CDH18: variants seen among roughly 807,000 people sequenced by gnomAD.
CDH18 encodes cadherin 18, also known as cadherin-18.
CDH18 carries 31 observed loss-of-function variants against 67.9 expected under a neutral mutation model. The ratio of observed to expected loss-of-function variants is 0.46; its 90% CI spans 0.34 to 0.62. The LOEUF is 0.62. Among genes scored for constraint, CDH18 ranks in the 20% least tolerant of loss-of-function variants. The pLI, the probability that CDH18 is intolerant of heterozygous loss-of-function variation, is 0.01. For synonymous variants in CDH18, 362 were observed against 347.2 expected (o/e 1.04, Z -0.48); for missense variants, 890 against 975.5 (o/e 0.91, Z 1.17).
chr5:20,359,877 G>T (rs780355565), intron 1 of CDH18, among the ~76,000 whole-genome samples: 1 of 151,786 alleles, frequency 6.6e-6, no homozygotes, highest in Non-Finnish European at 1.5e-5. Context: ...TATAAAGTTA[G>T]AAAGTTATTA....
chr5:19,646,538 C>T (rs1052256197), intron 5 of CDH18, among the ~76,000 whole-genome samples: 3 of 152,000 alleles, frequency 2.0e-5, no homozygotes, highest in Non-Finnish European at 2.9e-5. Flanking sequence ...TGGGGTTTCA[C>T]CATATTGGCT....
At chr5:19,843,582 A>G (rs1782589476) in intron 2 of CDH18, among the ~76,000 whole-genome samples, 2 of 152,236 alleles carry the variant, frequency 1.3e-5, no homozygotes, top group South Asian at 4.1e-4. Flanking sequence ...CCCGACATAG[A>G]GTTCCCACTG....
intron 1 of CDH18, among the ~76,000 whole-genome samples, chr5:20,388,029 T>C (rs1000885564): frequency 6.7e-6 from 1 of 149,100 alleles, no homozygotes; most frequent in African/African-American, 2.5e-5. Flanking sequence ...TAAAATTCTC[T>C]TTTTTTGTTG....
intron 5 of CDH18, among the ~76,000 whole-genome samples, chr5:19,662,711 C>T (rs1177386083): frequency 6.6e-6 from 1 of 151,900 alleles, no homozygotes; most frequent in African/African-American, 2.4e-5. Context: ...TAATTATGAG[C>T]TTTTCTTTTA....
chr5:20,407,710 GA>G (rs1003916051), intron 1 of CDH18, among the ~76,000 whole-genome samples: 11 of 121,088 alleles, frequency 9.1e-5, no homozygotes, highest in South Asian at 5.4e-4. Flanking sequence ...AGTCAGAAAA[GA>G]AAAAAAAATA....
In CDH18 at chr5:19,737,207, C is replaced by T. The variant is rs1338135198; in HGVS notation, c.523+9735G>A. 2.6e-5 allele frequency among the ~76,000 whole-genome samples: 4 copies of T among 152,038 alleles called. No homozygotes were observed. In the East Asian group the frequency reaches 5.8e-4, roughly 22 times the overall value. ...TATACCTGACCATTGTGCATTCACTCTCTATCTGATCATGGTGAATTTTCT... is the reference window on the plus strand; with the variant it reads ...TATACCTGACCATTGTGCATTCACTTTCTATCTGATCATGGTGAATTTTCT... On this transcript the variant is annotated intron_variant, in intron 4 of 12. Coordinates refer to ENST00000382275, the MANE Select transcript of CDH18 (RefSeq NM_004934.5).
At chr5:20,413,320 T>C (rs961421252) in intron 1 of CDH18, among the ~76,000 whole-genome samples, 1 of 152,222 alleles carries the variant, frequency 6.6e-6, no homozygotes, top group Non-Finnish European at 1.5e-5. Context: ...CATTTGGGTA[T>C]ATACCCAGTA....
At chr5:20,385,926 G>A (rs1245096819) in intron 1 of CDH18, among the ~76,000 whole-genome samples, 2 of 152,098 alleles carry the variant, frequency 1.3e-5, no homozygotes, top group African/African-American at 4.8e-5. Flanking sequence ...TTAAAATACA[G>A]AAACTATTAC....
At position 19,481,807 on chromosome 5, in the gene CDH18, A is replaced by G. The variant is rs116661146; in HGVS notation, c.1882+1494T>C. 5.7e-3 allele frequency among the ~76,000 whole-genome samples: 875 copies of G among 152,324 alleles called. 9 individuals carry two copies. Among genetic ancestry groups the G allele is most frequent in the African/African-American group, 0.02 (836 of 41,572 alleles). ...TACCTCTTTCTCAGAAAAACAGTCAATTATCTTTTCATGTATGTCAGTACC... is the reference window on the plus strand; with the variant it reads ...TACCTCTTTCTCAGAAAAACAGTCAGTTATCTTTTCATGTATGTCAGTACC... On this transcript the variant is annotated intron_variant, in intron 12 of 12. Coordinates refer to ENST00000382275, the MANE Select transcript of CDH18 (RefSeq NM_004934.5).
At chr5:19,622,488 A>C (rs1232482618) in intron 5 of CDH18, among the ~76,000 whole-genome samples, 1 of 152,154 alleles carries the variant, frequency 6.6e-6, no homozygotes, top group Admixed American at 6.5e-5. Flanking sequence ...CCCATCAGTC[A>C]TCTGGGTCTA....
chr5:20,142,863 A>G (rs1472480021), intron 2 of CDH18, among the ~76,000 whole-genome samples: 5 of 152,212 alleles, frequency 3.3e-5, no homozygotes, highest in African/African-American at 1.2e-4. Context: ...CTGTGAAGCT[A>G]TCAGTGTCTG....
At chr5:20,478,876 C>T (rs997221455) in intron 1 of CDH18, among the ~76,000 whole-genome samples, 12 of 152,184 alleles carry the variant, frequency 7.9e-5, no homozygotes, top group African/African-American at 2.9e-4. Flanking sequence ...CTGGTGTCAC[C>T]ACACCCTCAG....
At chr5:19,985,489 T>C (rs1267269747) in intron 1 of CDH18, among the ~76,000 whole-genome samples, 1 of 151,910 alleles carries the variant, frequency 6.6e-6, no homozygotes, top group Non-Finnish European at 1.5e-5. Flanking sequence ...TCTAACAATG[T>C]ATAGAGAGAT....
At chr5:20,110,513 T>G (rs1561798307) in intron 2 of CDH18, among the ~76,000 whole-genome samples, 1 of 152,164 alleles carries the variant, frequency 6.6e-6, no homozygotes, top group Admixed American at 6.5e-5. Context: ...TGAAACCCTA[T>G]CACTACTAAA....
intron 2 of CDH18, among the ~76,000 whole-genome samples, chr5:20,085,724 C>T (rs576279419): frequency 3.3e-5 from 5 of 152,250 alleles, no homozygotes; most frequent in African/African-American, 1.2e-4. Context: ...GAGAACTCCT[C>T]TTTTTAAAAC....
chr5:19,878,268 T>C (rs1787257343), intron 2 of CDH18, among the ~76,000 whole-genome samples: 1 of 152,156 alleles, frequency 6.6e-6, no homozygotes, highest in Non-Finnish European at 1.5e-5. Context: ...TTGCTAACTT[T>C]ATAAAACTTA....
In CDH18 at chr5:20,198,928, C is replaced by A. The variant is rs370187297; in HGVS notation, c.-518+56516G>T. Among the ~76,000 whole-genome samples the A allele has an allele frequency of 1.7e-3, 255 of 152,302 alleles. 7 individuals carry two copies. The South Asian group carries it at 0.05, about 30-fold the overall frequency. On this transcript the variant is annotated intron_variant, in intron 2 of 14. Transcript: ENST00000507958. ...TTGACAGCTTCCACATGGTGTTGGT[C>A]CTGAGAGTGCACAGAAGACAATAAT...
intron 2 of CDH18, among the ~76,000 whole-genome samples, chr5:20,173,676 G>A (rs1031309652): frequency 9.9e-5 from 15 of 152,126 alleles, no homozygotes; most frequent in African/African-American, 3.4e-4. Context: ...CTTGAACAAA[G>A]ATGTTGAGTT....
chr5:20,292,140 A>G (rs1277387745), intron 1 of CDH18, among the ~76,000 whole-genome samples: 2 of 152,206 alleles, frequency 1.3e-5, no homozygotes, highest in Non-Finnish European at 2.9e-5. Flanking sequence ...TATTCAGAAC[A>G]TGGATGAAGG....
Sources: allele counts gnomAD v4.1 joint callset (sites outside exome capture counted in the v4.1 genomes callset), GRCh38; gene constraint gnomAD v4.1.1; transcripts MANE v1.5; gene names NCBI Gene and HGNC (gene_info 2026-07-23, HGNC 2026-07-21).